The following PHLPP1 variants were observed in gnomAD, a reference collection of about 807,000 sequenced individuals.
The protein encoded by PHLPP1 is PH domain leucine-rich repeat-containing protein phosphatase 1.
In PHLPP1, 42 loss-of-function variants were observed where a neutral mutation model predicts 117.2. That is an observed-to-expected ratio of 0.36 (90% CI 0.28 to 0.46). The LOEUF is 0.46. PHLPP1 is among the 20% of genes least tolerant of loss of function. The pLI, the probability that PHLPP1 is intolerant of heterozygous loss-of-function variation, is 1.00. For missense variants in PHLPP1, 2,084 were observed against 2,241.9 expected (o/e 0.93, Z 1.42); for synonymous variants, 1,042 against 970.7 (o/e 1.07, Z -1.37).
At chr18:62,943,545 A>G (rs956600493) in intron 11 of PHLPP1, among the ~76,000 whole-genome samples, 3 of 152,122 alleles carry the variant, frequency 2.0e-5, no homozygotes, top group Non-Finnish European at 4.4e-5. Flanking sequence ...GCTTCTGGTG[A>G]GTCTTCAGGA....
intron 9 of PHLPP1, among the ~76,000 whole-genome samples, chr18:62,918,886 A>G (rs1393495952): frequency 1.3e-5 from 2 of 152,176 alleles, no homozygotes; most frequent in African/African-American, 2.4e-5. Flanking sequence ...GAGGTAATGC[A>G]TATGATAATT....
At chr18:62,865,003 G>A (rs958671727) in intron 4 of PHLPP1, among the ~76,000 whole-genome samples, 8 of 152,082 alleles carry the variant, frequency 5.3e-5, no homozygotes, top group African/African-American at 1.9e-4. Context: ...CTTAAGCTTA[G>A]GTTTTATATG....
Position 62,855,608 on chromosome 18 carries a change from A to G in PHLPP1, c.1900-4827A>G, listed in dbSNP as rs114625831. Among the ~76,000 whole-genome samples the G allele has an allele frequency of 8.5e-3, 1,293 of 152,326 alleles. 16 individuals are homozygous for G. The highest frequency in any genetic ancestry group is 0.03 in the African/African-American group (1,237 of 41,572). ...TTGAATTTATGTTCTCACGATAGAC[A>G]TTCCTAGTTCTACATAGCTCACACA... On this transcript the variant is annotated intron_variant, in intron 3 of 16. Transcript: ENST00000262719.
chr18:62,871,932 ACTGC>A (rs1174160075), intron 4 of PHLPP1, among the ~76,000 whole-genome samples: 1 of 152,180 alleles, frequency 6.6e-6, no homozygotes, highest in East Asian at 1.9e-4. Context: ...GGCATGAGCC[ACTGC>A]ACCTGGCCTA....
intron 10 of PHLPP1, among the ~76,000 whole-genome samples, chr18:62,927,845 ATACCT>A (rs145648131): frequency 0.017 from 2,535 of 152,238 alleles, 52 homozygotes; most frequent in African/African-American, 0.057. Context: ...AACAAACAAA[ATACCT>A]TAAAGTACAT....
intron 1 of PHLPP1, among the ~76,000 whole-genome samples, chr18:62,812,356 T>G (rs1914150231): frequency 6.6e-6 from 1 of 152,170 alleles, no homozygotes; most frequent in Non-Finnish European, 1.5e-5. Context: ...CTTGACTCAG[T>G]TGGAGCTGTG....
chr18:62,869,691 T>C (rs2144371099), intron 4 of PHLPP1, among the ~76,000 whole-genome samples: 1 of 152,340 alleles, frequency 6.6e-6, no homozygotes, highest in East Asian at 1.9e-4. Flanking sequence ...TACTGTGTAA[T>C]ATAAGGCAGT....
chr18:62,900,938 TAAAC>T (rs1240644246), intron 6 of PHLPP1, among the ~76,000 whole-genome samples: 4 of 152,222 alleles, frequency 2.6e-5, no homozygotes, highest in Admixed American at 1.3e-4. Context: ...ATCTGTCAAT[TAAAC>T]AAATAATAAA....
rs370012416 is a variant in PHLPP1 at position 62,758,304 on chromosome 18, C to G, written c.1576+41045C>G. ...GCTTTTAAAAAGACAAAATGAAACA[C>G]CTAATTCAGGCCAGTAAACTGACAT... On this transcript the variant is annotated intron_variant, in intron 1 of 16. Transcript: ENST00000262719. Among the ~76,000 whole-genome samples the G allele has an allele frequency of 4.6e-4, 70 of 152,098 alleles. No individual in the cohort carries two copies. The East Asian group carries it at 0.011, about 24-fold the overall frequency.
At chr18:62,764,740 G>A (rs1377961143) in intron 1 of PHLPP1, among the ~76,000 whole-genome samples, 2 of 152,216 alleles carry the variant, frequency 1.3e-5, no homozygotes, top group African/African-American at 4.8e-5. Context: ...TCTTGAAGTG[G>A]TGTGCCTGGC....
intron 1 of PHLPP1, among the ~76,000 whole-genome samples, chr18:62,727,324 C>T (rs1204192705): frequency 6.6e-6 from 1 of 151,702 alleles, no homozygotes; most frequent in East Asian, 1.9e-4. Flanking sequence ...TAAAATGCCC[C>T]TTTTGGCAGG....
chr18:62,888,557 T>C (rs1916341845), intron 4 of PHLPP1, among the ~76,000 whole-genome samples: 1 of 152,042 alleles, frequency 6.6e-6, no homozygotes, highest in Non-Finnish European at 1.5e-5. Context: ...AAAACTTAGC[T>C]GGACGTGGTG....
At chr18:62,814,887 G>A (rs1855812888) in intron 1 of PHLPP1, among the ~76,000 whole-genome samples, 1 of 152,184 alleles carries the variant, frequency 6.6e-6, no homozygotes, top group Admixed American at 6.5e-5. Flanking sequence ...ATAGAATTAT[G>A]TGAAACCAAC....
chr18:62,765,519 A>AT (rs1204311589), intron 1 of PHLPP1, among the ~76,000 whole-genome samples: 1 of 152,224 alleles, frequency 6.6e-6, no homozygotes, highest in East Asian at 1.9e-4. Context: ...ATTTGCTCAT[A>AT]TATCTTGAAG....
At chr18:62,880,588 G>A (rs1916152522) in intron 4 of PHLPP1, among the ~76,000 whole-genome samples, 1 of 151,730 alleles carries the variant, frequency 6.6e-6, no homozygotes, top group Admixed American at 6.6e-5. Flanking sequence ...AATATCATTG[G>A]CAATTAATGG....
Position 62,739,807 on chromosome 18 carries a change from C to T in PHLPP1, c.1576+22548C>T, listed in dbSNP as rs558018972. Among the ~76,000 whole-genome samples the T allele has an allele frequency of 7.2e-5, 11 of 152,180 alleles. No homozygotes were observed. The South Asian group carries it at 2.3e-3, about 32-fold the overall frequency. ...TGGAAGTCTTTGGGTCTCAATTGGC[C>T]TCAGTTTTCTTAGTGAATTAGAAGG... On this transcript the variant is annotated intron_variant, in intron 1 of 16. Coordinates refer to ENST00000262719, the MANE Select transcript of PHLPP1 (RefSeq NM_194449.4).
intron 2 of PHLPP1, among the ~76,000 whole-genome samples, chr18:62,833,339 G>T (rs1255378996): frequency 1.3e-5 from 2 of 152,188 alleles, no homozygotes; most frequent in African/African-American, 2.4e-5. Flanking sequence ...CTCCCATAGT[G>T]CTGGGATTAC....
At chr18:62,932,303 G>A (rs1037818350) in intron 10 of PHLPP1, among the ~76,000 whole-genome samples, 5 of 113,176 alleles carry the variant, frequency 4.4e-5, no homozygotes, top group Non-Finnish European at 1.0e-4. Flanking sequence ...ACCAAAATCT[G>A]ACAAGGATAC....
chr18:62,867,974 G>C (rs1915808867), intron 4 of PHLPP1, among the ~76,000 whole-genome samples: 1 of 152,024 alleles, frequency 6.6e-6, no homozygotes. Flanking sequence ...ACCACGCCCG[G>C]CTAATTTTTC....
Sources: allele counts gnomAD v4.1 joint callset (sites outside exome capture counted in the v4.1 genomes callset), GRCh38; gene constraint gnomAD v4.1.1; transcripts MANE v1.5; gene names NCBI Gene and HGNC (gene_info 2026-07-23, HGNC 2026-07-21).